The following SUPT6H variants were observed in gnomAD, a reference collection of about 807,000 sequenced individuals.
The protein encoded by SUPT6H is SPT6 homolog, histone chaperone and transcription elongation factor.
In SUPT6H, 11 loss-of-function variants were observed where a neutral mutation model predicts 222.3. The observed-to-expected ratio is 0.05, with a 90% CI of 0.03 to 0.08. The LOEUF (loss-of-function observed/expected upper bound fraction) is 0.08, where lower values mean the gene tolerates loss of function less well. SUPT6H is among the 10% of genes least tolerant of loss of function. The probability of loss-of-function intolerance (pLI) is 1.00; values close to 1 mark genes in which losing one functional copy is unlikely to be tolerated. For synonymous variants in SUPT6H, 762 were observed against 801.2 expected, an observed-to-expected ratio of 0.95 and a Z score of 0.83; for missense variants, 1,422 against 2,216.0, an observed-to-expected ratio of 0.64 and a Z score of 7.19.
chr17:28,676,462 A>C, intron 7 of SUPT6H, 32 bp downstream of exon 7: 1 of 1,611,364 alleles, frequency 6.2e-7, no homozygotes, highest in Non-Finnish European at 8.5e-7. Context: ...CTCTTCTACC[A>C]ATCCATAATT....
At position 28,688,351 on chromosome 17, in the gene SUPT6H, C is replaced by T. The variant is rs2031494442; in HGVS notation, c.3134+133C>T. The stretch of plus-strand genomic sequence containing the variant: ...AATGTTTTAAAGAAAAGGTAAGGAA[C>T]TTTATTCAGTCAAGAGCCCCTGACC... On this transcript the variant is annotated intron_variant, in intron 24 of 36. Transcript: ENST00000314616. The surrounding 1 kb of genome is among the most constrained non-coding windows in gnomAD (Gnocchi z 4.3). 2 of 1,208,102 alleles carry T rather than the reference C, an allele frequency of 1.7e-6. No individual in the cohort carries two copies. Among genetic ancestry groups the T allele is most frequent in the South Asian group, 1.8e-5 (1 of 57,074 alleles). 74.8% of individuals were successfully genotyped at this position (1,208,102 alleles called of 1,614,324 possible). A position where few individuals can be genotyped will look rare whatever the true frequency, so the allele number is the denominator to read the frequency against.
intron 27 of SUPT6H, chr17:28,691,560 C>T (rs1010707363): frequency 1.3e-5 from 2 of 154,306 alleles, no homozygotes; most frequent in Non-Finnish European, 2.9e-5. Context: ...TTAGAAACTT[C>T]TTATGGTCGG....
At chr17:28,667,532 TG>T (rs1453049929) in intron 1 of SUPT6H, among the ~76,000 whole-genome samples, 1 of 148,754 alleles carries the variant, frequency 6.7e-6, no homozygotes, top group Admixed American at 6.8e-5. Context: ...TGTGTGTGTG[TG>T]TTTTATATAT....
At chr17:28,699,960 G>T in intron 33 of SUPT6H, 67 bp downstream of exon 33, 1 of 1,507,986 alleles carries the variant, frequency 6.6e-7, no homozygotes, top group East Asian at 2.3e-5. Flanking sequence ...ACTCAGAGTA[G>T]TCCCAGCCTA....
chr17:28,677,027 G>A (rs923635367), intron 7 of SUPT6H, among the ~76,000 whole-genome samples: 10 of 151,560 alleles, frequency 6.6e-5, no homozygotes, highest in African/African-American at 2.4e-4. Context: ...TCAGGAGTTC[G>A]AGACCAGCCT....
chr17:28,677,338 G>A (rs1353964890), intron 7 of SUPT6H, among the ~76,000 whole-genome samples: 1 of 151,462 alleles, frequency 6.6e-6, no homozygotes, highest in East Asian at 1.9e-4. Flanking sequence ...AGCTGAGATC[G>A]CGCCATTGCA....
Position 28,676,437 on chromosome 17 carries a change from A to C in SUPT6H, c.897+7A>C. On this transcript the variant is annotated splice_region_variant and intron_variant, in intron 7 of 36. Transcript: ENST00000314616. ...CCTGCCTGAGAGGTTCCAGGTAAAA[A>C]ACCACCAGCCTCTGCTCTTCTACCA... 5 of 1,613,476 alleles carry C rather than the reference A, an allele frequency of 3.1e-6. No homozygotes were observed. The highest frequency in any genetic ancestry group is 3.4e-6 in the Non-Finnish European group (4 of 1,179,984).
chr17:28,687,423 C>T lies in SUPT6H; in HGVS notation c.2958C>T (p.Ile986=). The part of the protein sequence containing the change: ...AIAHPYSQAL[I]QYVCGLGPRK... ...CCCACCCTTACAGCCAGGCCTTGAT[C>T]CAGTATGTTTGTGGCCTGGGACCTC... The change falls in exon 23 of 37, where the codon ATC becomes ATT. Residue 986 remains isoleucine (I), a synonymous_variant. Coordinates refer to ENST00000314616, the MANE Select transcript of SUPT6H (RefSeq NM_003170.5). The T allele has an allele frequency of 1.2e-6, 2 of 1,614,136 alleles. No homozygotes were observed. The highest frequency in any genetic ancestry group is 1.7e-6 in the Non-Finnish European group (2 of 1,180,026).
At chr17:28,699,712 A>G in intron 32 of SUPT6H, 69 bp from the exon 33 acceptor site, 1 of 1,273,876 alleles carries the variant, frequency 7.9e-7, no homozygotes, top group South Asian at 1.2e-5. Flanking sequence ...CATGGTGGGC[A>G]TCTGTTCTGG....
In SUPT6H at chr17:28,700,197, G is replaced by A; in HGVS notation, c.4586G>A (p.Arg1529Lys). 6.2e-7 allele frequency: 1 copy of A among 1,614,218 alleles called. No homozygotes were observed. The highest frequency in any genetic ancestry group is 1.1e-5 in the South Asian group (1 of 91,086). The part of the protein sequence containing the change: ...VPGITPSSSS[R>K]TRTPASINAT... ...GGCATCACCCCTAGCAGCAGCAGCA[G>A]GACCCGGACACCTGCCTCTATCAAT... Residue 1529 changes from arginine to lysine, a missense_variant, in exon 34 of 37, where the codon AGG becomes AAG. Arg to Lys is a conservative substitution (Grantham distance 26). Around this residue, in one of 13 missense-constraint regions of SUPT6H, gnomAD observed 395 missense variants for 580.6 expected, o/e 0.68. Coordinates refer to ENST00000314616, the MANE Select transcript of SUPT6H (RefSeq NM_003170.5).
intron 29 of SUPT6H, 21 bp from the exon 30 acceptor site, chr17:28,696,823 C>T: frequency 6.2e-7 from 1 of 1,611,200 alleles, no homozygotes; most frequent in Non-Finnish European, 8.5e-7. Context: ...CCAGTCTGTA[C>T]TGCTTTTCTG....
intron 27 of SUPT6H, 134 bp downstream of exon 27, chr17:28,691,197 G>A (rs2031626260): frequency 1.8e-5 from 22 of 1,222,106 alleles, no homozygotes; most frequent in Admixed American, 2.2e-5. Context: ...GAAGACGGAC[G>A]GGAAACACAC....
At position 28,702,096 on chromosome 17, in the gene SUPT6H, AACAGCCGGGTGGCT is replaced by A. The variant is rs1276202765; in HGVS notation, c.*472_*485del. ...GGAAAGTATTTCTGACCCTGATGCCAACAGCCGGGTGGCTGTCCAAGCAGGATTGCAGGGGACAC... is the reference window on the plus strand; with the variant it reads ...GGAAAGTATTTCTGACCCTGATGCCAGTCCAAGCAGGATTGCAGGGGACAC... On this transcript the variant is annotated 3_prime_UTR_variant, in exon 37 of 37. Coordinates refer to ENST00000314616, the MANE Select transcript of SUPT6H (RefSeq NM_003170.5). The A allele has an allele frequency of 1.3e-5, 2 of 155,710 alleles. No individual in the cohort carries two copies. Among genetic ancestry groups the A allele is most frequent in the Non-Finnish European group, 2.9e-5 (2 of 70,050 alleles). 9.6% of individuals were successfully genotyped at this position (155,710 alleles called of 1,614,324 possible). A position where few individuals can be genotyped will look rare whatever the true frequency, so the allele number is the denominator to read the frequency against.
intron 1 of SUPT6H, among the ~76,000 whole-genome samples, chr17:28,663,081 C>G (rs2072092179): frequency 6.6e-6 from 1 of 152,282 alleles, no homozygotes; most frequent in South Asian, 2.1e-4. Context: ...GAAAATACTT[C>G]CGTGGAAATT....
chr17:28,681,783 C>T (rs777628658), intron 12 of SUPT6H, 99 bp from the exon 13 acceptor site: 2 of 1,027,160 alleles, frequency 1.9e-6, no homozygotes, highest in South Asian at 1.7e-5. Flanking sequence ...TGAAGGAGGC[C>T]CTTGGCTGGG....
chr17:28,678,445 T>C lies in SUPT6H; in HGVS notation c.1117-100T>C, dbSNP rs1013445903. On this transcript the variant is annotated intron_variant, in intron 9 of 36. Transcript: ENST00000314616. The stretch of plus-strand genomic sequence containing the variant: ...GGAGGCCAGGCTTCTGACTGTTGAA[T>C]TTCCTGGAGCTGTTTCTCCAGGAAG... The C allele has an allele frequency of 7.3e-6, 9 of 1,231,904 alleles. No individual in the cohort carries two copies. In the African/African-American group the frequency reaches 9.0e-5, roughly 12 times the overall value. The allele number at this position is 1,231,904 out of a possible 1,614,324, so 76.3% of individuals were successfully genotyped here. A position where few individuals can be genotyped will look rare whatever the true frequency, so the allele number is the denominator to read the frequency against.
rs2031994488 is a variant in SUPT6H at position 28,697,966 on chromosome 17, A to C, written c.4384A>C (p.Ile1462Leu). 2 of 1,613,838 alleles carry C rather than the reference A, an allele frequency of 1.2e-6. No individual in the cohort carries two copies. Among genetic ancestry groups the C allele is most frequent in the Non-Finnish European group, 1.7e-6 (2 of 1,180,036 alleles). ...GAAGCCCACCTTCATCCCTTATTTC[A>C]TCTGTGCCTGCAAGGAACTGCCCGG... is the stretch of plus-strand genomic sequence containing the variant. Reference protein sequence around the residue: ...KEKPTFIPYFICACKELPGKF... With the variant: ...KEKPTFIPYFLCACKELPGKF... The change falls in exon 32 of 37, where the codon ATC (isoleucine) becomes CTC (leucine). Residue 1462 changes from isoleucine (I) to leucine (L), a missense_variant. Ile to Leu is a conservative substitution (Grantham distance 5). This residue lies in a region of SUPT6H where 395 missense variants were observed against 580.6 expected (regional missense o/e 0.68). Transcript: ENST00000314616.
intron 30 of SUPT6H, 61 bp downstream of exon 30, chr17:28,697,143 G>C: frequency 6.7e-7 from 1 of 1,498,920 alleles, no homozygotes; most frequent in Non-Finnish European, 9.3e-7. Context: ...GTGCCCTTCA[G>C]GGTGCTTTCA....
At position 28,701,429 on chromosome 17, in the gene SUPT6H, C is replaced by G. The variant is rs754932415; in HGVS notation, c.4995-10C>G. 9.9e-6 allele frequency: 16 copies of G among 1,610,200 alleles called. No individual in the cohort carries two copies. Among genetic ancestry groups the G allele is most frequent in the Admixed American group, 6.7e-5 (4 of 59,848 alleles). ...CAAAGTCCCAATCTCAACTTTTCTT[C>G]CCCTCCCAGGTCCAACAGCCATGCA... On this transcript the variant is annotated splice_polypyrimidine_tract_variant and intron_variant, in intron 36 of 36. Transcript: ENST00000314616.
Sources: gnomAD v4.1 joint callset for allele counts (sites outside exome capture counted in the v4.1 genomes callset) on GRCh38, gnomAD v4.1.1 for gene constraint, gnomAD v4.1.1 regional missense constraint, Gnocchi (gnomAD v3.1) non-coding constraint, MANE v1.5 for transcripts, NCBI Gene and HGNC (gene_info 2026-07-23, HGNC 2026-07-21) for gene names.